UTRN: variants seen among roughly 807,000 people sequenced by gnomAD.
The protein encoded by UTRN is utrophin, also known as dystrophin-related protein 1.
A neutral mutation model predicts 463.9 loss-of-function variants in UTRN; 283 were observed. That is an observed-to-expected ratio of 0.61 (90% CI 0.55 to 0.67). UTRN has a LOEUF of 0.67. Ranked by LOEUF, UTRN falls within the 30% of genes least tolerant of loss-of-function variation. The pLI is 0.00. For synonymous variants in UTRN, 1,442 were observed against 1,431.5 expected (o/e 1.01, Z -0.17); for missense variants, 3,922 against 4,084.3 (o/e 0.96, Z 1.08).
At chr6:144,518,827 C>T (rs1309972447) in intron 39 of UTRN, among the ~76,000 whole-genome samples, 1 of 152,024 alleles carries the variant, frequency 6.6e-6, no homozygotes, top group African/African-American at 2.4e-5. Flanking sequence ...CATTGGTAGG[C>T]GAACTATGTT....
intron 2 of UTRN, among the ~76,000 whole-genome samples, chr6:144,340,925 C>T (rs960314089): frequency 1.3e-5 from 2 of 152,234 alleles, no homozygotes; most frequent in Non-Finnish European, 2.9e-5. Context: ...TTTACAGAAA[C>T]TTCAATGAAG....
At chr6:144,631,254 G>A (rs1585671075) in intron 51 of UTRN, among the ~76,000 whole-genome samples, 2 of 151,954 alleles carry the variant, frequency 1.3e-5, no homozygotes, top group East Asian at 3.9e-4. Flanking sequence ...GTGTGTGTGT[G>A]TGTGTGTGTG....
chr6:144,628,587 T>C (rs2128652682), intron 51 of UTRN, among the ~76,000 whole-genome samples: 1 of 152,358 alleles, frequency 6.6e-6, no homozygotes, highest in South Asian at 2.1e-4. Context: ...CTAATAGACA[T>C]GCTTTAGTTA....
rs1789382919 is a variant in UTRN, at chr6:144,461,330, G to C, written c.2841G>C (p.Leu947=). Residue 947 remains leucine (L), a synonymous_variant, in exon 22 of 75, where the codon CTG becomes CTC. Coordinates refer to ENST00000367545, the MANE Select transcript of UTRN (RefSeq NM_007124.3). ...LNDLAKVEKA[L]QEKKTLDEIL... ...ATCTTGCCAAGGTGGAGAAGGCCCT[G>C]CAAGAAAAAAAGGTAACATATATCT... The C allele has an allele frequency of 6.4e-7, 1 of 1,562,870 alleles. No individual in the cohort carries two copies. The highest frequency in any genetic ancestry group is 1.9e-5 in the Admixed American group (1 of 53,054).
intron 2 of UTRN, among the ~76,000 whole-genome samples, chr6:144,317,607 G>T (rs542562084): frequency 6.6e-6 from 1 of 152,114 alleles, no homozygotes; most frequent in South Asian, 2.1e-4. Flanking sequence ...ATGTTGGCCA[G>T]GTTGGTCTCG....
intron 51 of UTRN, among the ~76,000 whole-genome samples, chr6:144,671,265 C>A (rs1239901215): frequency 6.6e-6 from 1 of 151,858 alleles, no homozygotes; most frequent in African/African-American, 2.4e-5. Context: ...TCTACTCATA[C>A]ATGAGCATGG....
intron 51 of UTRN, among the ~76,000 whole-genome samples, chr6:144,602,322 A>G (rs1804340280): frequency 6.6e-6 from 1 of 150,944 alleles, no homozygotes. Context: ...TATTTTTAGT[A>G]GAGATGGGGT....
chr6:144,481,070 T>C (rs147813045), intron 26 of UTRN, among the ~76,000 whole-genome samples: 256 of 152,334 alleles, frequency 1.7e-3, no homozygotes, highest in African/African-American at 6.0e-3. Flanking sequence ...TTCTGTGGAT[T>C]TTAAAAGTTG....
intron 53 of UTRN, among the ~76,000 whole-genome samples, chr6:144,729,463 A>G (rs1025366570): frequency 1.3e-5 from 2 of 152,228 alleles, no homozygotes; most frequent in Non-Finnish European, 2.9e-5. Flanking sequence ...TTTAGAAAAT[A>G]AAAGTCTGAC....
intron 34 of UTRN, among the ~76,000 whole-genome samples, chr6:144,510,435 G>A (rs575969691): frequency 1.1e-3 from 174 of 152,236 alleles, no homozygotes; most frequent in South Asian, 2.3e-3. Context: ...TGTTTATTCA[G>A]TATATTATAT....
At chr6:144,348,631 G>A (rs1020213300) in intron 2 of UTRN, among the ~76,000 whole-genome samples, 3 of 152,206 alleles carry the variant, frequency 2.0e-5, no homozygotes, top group African/African-American at 7.2e-5. Context: ...AGTAGAAAGA[G>A]CGACATGTGA....
At chr6:144,814,380 A>G (rs1778895772) in intron 65 of UTRN, among the ~76,000 whole-genome samples, 1 of 152,198 alleles carries the variant, frequency 6.6e-6, no homozygotes. Context: ...CTGCTGTTTT[A>G]TTTAAGCCAC....
chr6:144,487,919 A>G (rs1435687737), intron 29 of UTRN, among the ~76,000 whole-genome samples: 1 of 152,174 alleles, frequency 6.6e-6, no homozygotes, highest in Non-Finnish European at 1.5e-5. Flanking sequence ...TATTTTTGAG[A>G]TTACTTCTAC....
intron 2 of UTRN, among the ~76,000 whole-genome samples, chr6:144,383,389 G>A (rs865839712): frequency 1.3e-5 from 2 of 152,142 alleles, no homozygotes; most frequent in Non-Finnish European, 2.9e-5. Context: ...ACCCTTTTAC[G>A]ATAGATTAAC....
chr6:144,424,775 ACT>A (rs918188643), intron 6 of UTRN, among the ~76,000 whole-genome samples: 2 of 152,008 alleles, frequency 1.3e-5, no homozygotes, highest in African/African-American at 4.8e-5. Context: ...TTTCATTTGT[ACT>A]CTCTCTCAGT....
chr6:144,566,853 A>G (rs1219635192), intron 50 of UTRN, among the ~76,000 whole-genome samples: 1 of 152,166 alleles, frequency 6.6e-6, no homozygotes, highest in Non-Finnish European at 1.5e-5. Context: ...GACTTCATGA[A>G]AAGTTTGCAG....
intron 2 of UTRN, among the ~76,000 whole-genome samples, chr6:144,399,897 A>C (rs530413790): frequency 6.6e-6 from 1 of 152,226 alleles, no homozygotes; most frequent in Non-Finnish European, 1.5e-5. Context: ...CTATCACAGA[A>C]ATAAAATCCC....
chr6:144,549,548 A>G (rs1052527442), intron 47 of UTRN, among the ~76,000 whole-genome samples: 3 of 152,224 alleles, frequency 2.0e-5, no homozygotes, highest in Non-Finnish European at 2.9e-5. Context: ...GTCCACACCG[A>G]GGCAGAGGCA....
chr6:144,442,338 GTCT>G (rs529072595), intron 13 of UTRN, among the ~76,000 whole-genome samples: 105 of 152,124 alleles, frequency 6.9e-4, no homozygotes, highest in African/African-American at 2.5e-3. Flanking sequence ...ACATTTTTCT[GTCT>G]TCTTCTGAGC....
Sources: gnomAD v4.1 joint callset for allele counts (sites outside exome capture counted in the v4.1 genomes callset) on GRCh38, gnomAD v4.1.1 for gene constraint, MANE v1.5 for transcripts, NCBI Gene and HGNC (gene_info 2026-07-23, HGNC 2026-07-21) for gene names.